The following AKAP17A variants were observed in gnomAD, a reference collection of about 807,000 sequenced individuals.
AKAP17A encodes A-kinase anchor protein 17A.
In AKAP17A, 15 loss-of-function variants were observed where a neutral mutation model predicts 52.2. The observed-to-expected ratio is 0.29, with a 90% CI of 0.19 to 0.44. The LOEUF (loss-of-function observed/expected upper bound fraction) is 0.44, where lower values mean the gene tolerates loss of function less well. Among genes scored for constraint, AKAP17A ranks in the 20% least tolerant of loss-of-function variants. AKAP17A has a pLI of 1.00. For missense variants in AKAP17A, 1,060 were observed against 1,007.0 expected, an observed-to-expected ratio of 1.05 and a Z score of -0.71; for synonymous variants, 514 against 424.7, an observed-to-expected ratio of 1.21 and a Z score of -2.58.
rs1245736377 is a variant in AKAP17A, at chrX:1,593,870, C to T, written c.408C>T (p.Asp136=). ...ACTCCTTCTTCCGCGACGCCAAGGACATGAACGAGACCCTGCCGGGGGAGC... is the reference window on the plus strand; with the variant it reads ...ACTCCTTCTTCCGCGACGCCAAGGATATGAACGAGACCCTGCCGGGGGAGC... ...DWDSFFRDAK[D]MNETLPGERP... Residue 136 remains aspartate (D), a synonymous_variant, in exon 2 of 5, where the codon GAC becomes GAT. Coordinates refer to ENST00000313871, the MANE Select transcript of AKAP17A (RefSeq NM_005088.3). 1.2e-6 allele frequency: 2 copies of T among 1,612,678 alleles called. No individual in the cohort carries two copies. Among genetic ancestry groups the T allele is most frequent in the Non-Finnish European group, 1.7e-6 (2 of 1,179,230 alleles).
chrX:1,598,895 C>T (rs1457397008), intron 3 of AKAP17A, among the ~76,000 whole-genome samples: 2 of 152,168 alleles, frequency 1.3e-5, no homozygotes, highest in African/African-American at 4.8e-5. Flanking sequence ...CGTCTTTCCC[C>T]TGACTGGGGG....
At chrX:1,598,313 G>C (rs1257949616) in intron 3 of AKAP17A, among the ~76,000 whole-genome samples, 2 of 152,166 alleles carry the variant, frequency 1.3e-5, no homozygotes, top group Non-Finnish European at 2.9e-5. Context: ...CCCCCTTCTT[G>C]GGGTGGCAGA....
At chrX:1,597,547 C>A (rs1369484885) in intron 3 of AKAP17A, among the ~76,000 whole-genome samples, 1 of 152,008 alleles carries the variant, frequency 6.6e-6, no homozygotes, top group Admixed American at 6.6e-5. Flanking sequence ...GGAGACAGTC[C>A]TGGGGCGTTA....
At chrX:1,595,610 G>T in intron 3 of AKAP17A, 78 bp downstream of exon 3, 1 of 1,592,958 alleles carries the variant, frequency 6.3e-7, no homozygotes. Flanking sequence ...GCGTGTGTCT[G>T]CATGTATTCC....
At position 1,599,205 on chromosome X, in the gene AKAP17A, C is replaced by G. The variant is rs759152839; in HGVS notation, c.925C>G (p.Leu309Val). Residue 309 changes from leucine (L) to valine (V), a missense_variant, in exon 4 of 5, where the codon CTG (leucine) becomes GTG (valine). Around this residue, in one of 2 missense-constraint regions of AKAP17A, gnomAD observed 793 missense variants for 629.9 expected, o/e 1.26. Coordinates refer to ENST00000313871, the MANE Select transcript of AKAP17A (RefSeq NM_005088.3). ...QRAEERKQKE[L>V]EELERERKRE... ...TGTTCCACACAGGAAACAAAAGGAG[C>G]TGGAAGAGCTGGAGCGAGAGAGGAA... 1.9e-6 allele frequency: 3 copies of G among 1,611,888 alleles called. No individual in the cohort carries two copies. Among genetic ancestry groups the G allele is most frequent in the Admixed American group, 1.7e-5 (1 of 59,870 alleles).
At position 1,601,864 on chromosome X, in the gene AKAP17A, TCA is replaced by T. The variant is rs1298972060; in HGVS notation, c.*271_*272del. On this transcript the variant is annotated 3_prime_UTR_variant, in exon 5 of 5. Coordinates refer to ENST00000313871, the MANE Select transcript of AKAP17A (RefSeq NM_005088.3). ...TAGCTTTAATGCGGCCGGTCCTCTC[TCA>T]GTCAGGAAAATTGCACAGACCGACA... 4 of 384,354 alleles carry T rather than the reference TCA, an allele frequency of 1.0e-5. No individual in the cohort carries two copies. The highest frequency in any genetic ancestry group is 7.5e-5 in the East Asian group (2 of 26,492). 23.8% of individuals were successfully genotyped at this position (384,354 alleles called of 1,614,324 possible).
intron 3 of AKAP17A, among the ~76,000 whole-genome samples, chrX:1,598,322 G>C (rs1207701590): frequency 6.6e-6 from 1 of 152,192 alleles, no homozygotes; most frequent in Non-Finnish European, 1.5e-5. Flanking sequence ...TGGGGTGGCA[G>C]AGCGTGGGAT....
At chrX:1,599,868 A>AG in intron 4 of AKAP17A, 1 of 585,104 alleles carries the variant, frequency 1.7e-6, no homozygotes, top group Non-Finnish European at 3.0e-6. Context: ...GAGCGCACAG[A>AG]GGGGGCCTGC....
In AKAP17A at chrX:1,601,074, A is replaced by G. The variant is rs1274602669; in HGVS notation, c.1568A>G (p.Lys523Arg). Residue 523 changes from lysine to arginine, a missense_variant, in exon 5 of 5, where the codon AAG becomes AGG. By Grantham distance (26) the Lys-to-Arg change is conservative (BLOSUM62 2). Transcript: ENST00000313871. ...NGSVAEEAPC[K>R]EVQSSCRVVP... Reference sequence around the variant, plus strand: ...AGCGTGGCCGAGGAGGCCCCATGCAAGGAGGTTCAGAGCTCCTGTCGTGTG... The same window carrying G: ...AGCGTGGCCGAGGAGGCCCCATGCAGGGAGGTTCAGAGCTCCTGTCGTGTG... The G allele has an allele frequency of 1.9e-6, 3 of 1,613,650 alleles. No homozygotes were observed.
At position 1,601,723 on chromosome X, in the gene AKAP17A, CGG is replaced by C; in HGVS notation, c.*130_*131del. Reference sequence around the variant, plus strand: ...ACCCTTCTGCAGCCACGAATGTCCACGGAGCCCGCCGGCAGGAAGGAAGACAC... The same window carrying C: ...ACCCTTCTGCAGCCACGAATGTCCACAGCCCGCCGGCAGGAAGGAAGACAC... On this transcript the variant is annotated 3_prime_UTR_variant, in exon 5 of 5. Coordinates refer to ENST00000313871, the MANE Select transcript of AKAP17A (RefSeq NM_005088.3). 1.2e-6 allele frequency: 1 copy of C among 814,200 alleles called. No individual in the cohort carries two copies. Among genetic ancestry groups the C allele is most frequent in the Middle Eastern group, 3.9e-4 (1 of 2,532 alleles). 50.4% of individuals were successfully genotyped at this position (814,200 alleles called of 1,614,324 possible).
rs1372888929 is a variant in AKAP17A at position 1,601,436 on chromosome X, A to C, written c.1930A>C (p.Thr644Pro). 6.4e-7 allele frequency: 1 copy of C among 1,571,862 alleles called. No homozygotes were observed. The highest frequency in any genetic ancestry group is 2.3e-5 in the East Asian group (1 of 44,334). The change falls in exon 5 of 5, where the codon ACC becomes CCC. Residue 644 changes from threonine to proline, a missense_variant. By Grantham distance (38) the Thr-to-Pro change is conservative (BLOSUM62 -1). This residue lies in a region of AKAP17A where 793 missense variants were observed against 629.9 expected (regional missense o/e 1.26). Transcript: ENST00000313871. ...PRRRSTSPDH[T>P]RSRRSHSKDR... ...CCGGCGCAGCACGAGCCCGGACCAC[A>C]CCCGGTCCCGGAGGTCCCACAGCAA...
At chrX:1,600,037 C>G (rs1933270426) in intron 4 of AKAP17A, 1 of 690,722 alleles carries the variant, frequency 1.4e-6, no homozygotes, top group Admixed American at 2.3e-5. Context: ...AGACAGACCT[C>G]CCCAGGACAG....
chrX:1,593,699 C>T lies in AKAP17A; in HGVS notation c.237C>T (p.Phe79=), dbSNP rs749230722. The T allele has an allele frequency of 1.7e-5, 28 of 1,613,820 alleles. No homozygotes were observed. In the Admixed American group the frequency reaches 3.7e-4, roughly 21 times the overall value. Residue 79 remains phenylalanine, a synonymous_variant, in exon 2 of 5, where the codon TTC becomes TTT. Coordinates refer to ENST00000313871, the MANE Select transcript of AKAP17A (RefSeq NM_005088.3). ...AGAGCACCATGGACTTCATCCGCTT[C>T]GAGGGGGAGGTGGAGAACAAGAGCC... The part of the protein sequence containing the change: ...ISKSTMDFIR[F]EGEVENKSLV...
rs776311339 is a variant in AKAP17A at position 1,601,557 on chromosome X, G to A, written c.2051G>A (p.Arg684Gln). The stretch of plus-strand genomic sequence containing the variant: ...CGCCGAAGCGAGCGGTCGCGCTCCC[G>A]GTCCCCGAGCAGGCACCGCAGTACC... ...HRRRSERSRS[R>Q]SPSRHRSTWN... Residue 684 changes from arginine (R) to glutamine (Q), a missense_variant, in exon 5 of 5, where the codon CGG becomes CAG. Physicochemically the swap from Arg to Gln is conservative, Grantham distance 43. This residue lies in a region of AKAP17A where 793 missense variants were observed against 629.9 expected (regional missense o/e 1.26). Transcript: ENST00000313871. 104 of 1,464,692 alleles carry A rather than the reference G, an allele frequency of 7.1e-5. No homozygotes were observed. The East Asian group carries it at 1.6e-3, about 23-fold the overall frequency. The allele number at this position is 1,464,692 out of a possible 1,614,324, so 90.7% of individuals were successfully genotyped here.
intron 4 of AKAP17A, 147 bp from the exon 5 acceptor site, chrX:1,600,512 G>A (rs1438387974): frequency 1.5e-5 from 13 of 839,614 alleles, no homozygotes; most frequent in African/African-American, 5.1e-5. Flanking sequence ...CGTAGGAGAC[G>A]CCCCCCACCC....
Position 1,601,545 on chromosome X carries a change from G to C in AKAP17A, c.2039G>C (p.Arg680Pro), listed in dbSNP as rs779706539. 6.8e-7 allele frequency: 1 copy of C among 1,472,644 alleles called. No individual in the cohort carries two copies. The highest frequency in any genetic ancestry group is 2.6e-5 in the Admixed American group (1 of 38,934). 91.2% of individuals were successfully genotyped at this position (1,472,644 alleles called of 1,614,324 possible). A position where few individuals can be genotyped will look rare whatever the true frequency, so the allele number is the denominator to read the frequency against. The change falls in exon 5 of 5, where the codon CGG becomes CCG. Residue 680 changes from arginine to proline, a missense_variant. Physicochemically the swap from Arg to Pro is moderately radical, Grantham distance 103 (BLOSUM62 -2). Coordinates refer to ENST00000313871, the MANE Select transcript of AKAP17A (RefSeq NM_005088.3). ...KHSRHRRRSE[R>P]SRSRSPSRHR... ...AGCCGCCACCGCCGCCGAAGCGAGC[G>C]GTCGCGCTCCCGGTCCCCGAGCAGG...
chrX:1,598,754 G>C (rs1357333073), intron 3 of AKAP17A, among the ~76,000 whole-genome samples: 10 of 152,198 alleles, frequency 6.6e-5, no homozygotes, highest in Non-Finnish European at 1.3e-4. Flanking sequence ...GCCCTCACAG[G>C]AGTCCTGCAC....
At chrX:1,596,236 A>C (rs763863775) in intron 3 of AKAP17A, among the ~76,000 whole-genome samples, 8 of 142,612 alleles carry the variant, frequency 5.6e-5, no homozygotes, top group South Asian at 4.2e-4. Flanking sequence ...TAAAAAAAAA[A>C]AAAAAAACAA....
intron 4 of AKAP17A, chrX:1,600,113 C>T (rs1226734365): frequency 7.7e-7 from 1 of 1,295,172 alleles, no homozygotes; most frequent in Non-Finnish European, 1.0e-6. Context: ...GCGGGGCGAC[C>T]CCATAACCTG....
Sources: allele counts gnomAD v4.1 joint callset (sites outside exome capture counted in the v4.1 genomes callset), GRCh38; gene constraint gnomAD v4.1.1; regional missense constraint gnomAD v4.1.1; transcripts MANE v1.5; gene names NCBI Gene and HGNC (gene_info 2026-07-23, HGNC 2026-07-21).